The following NSMAF variants were observed in gnomAD, a reference collection of about 807,000 sequenced individuals.
The protein encoded by NSMAF is protein FAN.
NSMAF carries 90 observed loss-of-function variants against 134.9 expected under a neutral mutation model. The observed-to-expected ratio is 0.67, with a 90% CI of 0.56 to 0.79. The LOEUF is 0.79. NSMAF is among the 30% of genes least tolerant of loss of function. The pLI, the probability that NSMAF is intolerant of heterozygous loss-of-function variation, is 0.00. For synonymous variants in NSMAF, 358 were observed against 389.6 expected, an observed-to-expected ratio of 0.92 and a Z score of 0.96; for missense variants, 1,010 against 1,119.0, an observed-to-expected ratio of 0.90 and a Z score of 1.39.
In NSMAF at chr8:58,583,848, A is replaced by G. The variant is rs1026155463; in HGVS notation, c.*258T>C. 1.3e-5 allele frequency: 6 copies of G among 451,922 alleles called. No homozygotes were observed. The highest frequency in any genetic ancestry group is 2.4e-5 in the Non-Finnish European group (6 of 249,598). 28.0% of individuals were successfully genotyped at this position (451,922 alleles called of 1,614,324 possible). A position where few individuals can be genotyped will look rare whatever the true frequency, so the allele number is the denominator to read the frequency against. ...TGCTACTTAGTCCTGTCTTCTGACA[A>G]TCATCATACGGGGACGATCATCTGC... On this transcript the variant is annotated 3_prime_UTR_variant, in exon 31 of 31. Transcript: ENST00000038176.
At chr8:58,600,890 C>T (rs548459090) in intron 16 of NSMAF, among the ~76,000 whole-genome samples, 1 of 152,074 alleles carries the variant, frequency 6.6e-6, no homozygotes, top group African/African-American at 2.4e-5. Context: ...ATTCAATTCA[C>T]AGCAAAATTA....
At chr8:58,597,979 G>T in intron 19 of NSMAF, 77 bp from the exon 20 acceptor site, 1 of 1,058,284 alleles carries the variant, frequency 9.4e-7, no homozygotes, top group Non-Finnish European at 1.4e-6. Context: ...CCTAAACAAT[G>T]CAACAACTTA....
At position 58,601,544 on chromosome 8, in the gene NSMAF, C is replaced by CAT; in HGVS notation, c.1126-10_1126-9insAT. 4 of 911,210 alleles carry CAT rather than the reference C, an allele frequency of 4.4e-6. No individual in the cohort carries two copies. Among genetic ancestry groups the CAT allele is most frequent in the East Asian group, 3.7e-5 (1 of 27,152 alleles). The allele number at this position is 911,210 out of a possible 1,614,324, so 56.4% of individuals were successfully genotyped here. A position where few individuals can be genotyped will look rare whatever the true frequency, so the allele number is the denominator to read the frequency against. Reference sequence around the variant, plus strand: ...ATTTCCTGGTAGCGTGTCTAGAATACAGAAAAAAAAAAAAAATAGAGCTAA... The same window carrying CAT: ...ATTTCCTGGTAGCGTGTCTAGAATACATAGAAAAAAAAAAAAAATAGAGCTAA... On this transcript the variant is annotated splice_polypyrimidine_tract_variant and intron_variant, in intron 14 of 30. Coordinates refer to ENST00000038176, the MANE Select transcript of NSMAF (RefSeq NM_003580.4).
chr8:58,586,259 G>A (rs1174009224), intron 28 of NSMAF, 199 bp downstream of exon 28: 3 of 625,514 alleles, frequency 4.8e-6, no homozygotes, highest in East Asian at 2.7e-5. Context: ...TACCCAGTCC[G>A]GCTTTTCTAC....
At chr8:58,594,087 G>T in intron 23 of NSMAF, 145 bp downstream of exon 23, 1 of 649,286 alleles carries the variant, frequency 1.5e-6, no homozygotes, top group Non-Finnish European at 2.7e-6. Flanking sequence ...GAAACTCTAT[G>T]TAATGTACCA....
rs73250346 is a variant in NSMAF, at chr8:58,625,755, G to T, written c.385-1975C>A. Among the ~76,000 whole-genome samples the T allele has an allele frequency of 8.8e-3, 1,342 of 152,184 alleles. 22 individuals carry two copies. The highest frequency in any genetic ancestry group is 0.031 in the African/African-American group (1,288 of 41,526). ...TCCATTCAGGCACTCCATATTTTTT[G>T]ATTGGGGAGTTTGATATACTTAATT... On this transcript the variant is annotated intron_variant, in intron 6 of 30. Transcript: ENST00000038176.
chr8:58,592,907 AC>A (rs1280337210), intron 23 of NSMAF, among the ~76,000 whole-genome samples: 1,778 of 119,556 alleles, frequency 0.015, 35 homozygotes, highest in African/African-American at 0.068. Flanking sequence ...AAAAACAAAA[AC>A]AACAACAACA....
intron 7 of NSMAF, 98 bp downstream of exon 7, chr8:58,623,611 A>G (rs1253451541): frequency 4.3e-6 from 5 of 1,155,506 alleles, no homozygotes; most frequent in Non-Finnish European, 6.3e-6. Flanking sequence ...CATATTTAGA[A>G]AACAGATGAT....
chr8:58,638,831 A>C (rs1429092710), intron 2 of NSMAF, among the ~76,000 whole-genome samples: 1 of 152,210 alleles, frequency 6.6e-6, no homozygotes, highest in Non-Finnish European at 1.5e-5. Flanking sequence ...AAGTCAAAAG[A>C]CAACCTACGG....
intron 6 of NSMAF, among the ~76,000 whole-genome samples, chr8:58,628,172 T>C (rs970175067): frequency 4.1e-4 from 63 of 152,328 alleles, no homozygotes; most frequent in Non-Finnish European, 2.9e-5. Context: ...CTAGGAAAAC[T>C]GGCAAGCCAC....
intron 25 of NSMAF, 104 bp from the exon 26 acceptor site, chr8:58,589,679 G>A (rs1805979900): frequency 9.0e-7 from 1 of 1,106,842 alleles, no homozygotes; most frequent in Non-Finnish European, 1.2e-6. Context: ...TACTTACTAA[G>A]GCTCACTAGA....
At chr8:58,632,028 C>T (rs1807066678) in intron 5 of NSMAF, among the ~76,000 whole-genome samples, 2 of 152,100 alleles carry the variant, frequency 1.3e-5, no homozygotes. Flanking sequence ...ATAAGTGACA[C>T]CATCTACCAG....
intron 7 of NSMAF, 84 bp from the exon 8 acceptor site, chr8:58,623,508 T>C: frequency 7.3e-7 from 1 of 1,378,546 alleles, no homozygotes; most frequent in Non-Finnish European, 1.0e-6. Context: ...GAAACAGCAA[T>C]CATTCTGTTA....
At chr8:58,631,785 T>C (rs1484024214) in intron 5 of NSMAF, among the ~76,000 whole-genome samples, 1 of 151,976 alleles carries the variant, frequency 6.6e-6, no homozygotes, top group Non-Finnish European at 1.5e-5. Flanking sequence ...AATTACAAGA[T>C]AAATAAATAC....
At chr8:58,607,627 G>A in intron 11 of NSMAF, 142 bp downstream of exon 11, 1 of 661,254 alleles carries the variant, frequency 1.5e-6, no homozygotes, top group Non-Finnish European at 2.7e-6. Context: ...CCAAAAGAAA[G>A]AACAGCAAAA....
At chr8:58,659,531 G>C (rs757488143) in intron 1 of NSMAF, 42 bp downstream of exon 1, 14 of 1,521,900 alleles carry the variant, frequency 9.2e-6, no homozygotes, top group African/African-American at 1.4e-5. Context: ...GACCGGCCCC[G>C]ACTAGGCCCC....
chr8:58,600,080 T>A, intron 16 of NSMAF, 59 bp from the exon 17 acceptor site: 2 of 1,261,808 alleles, frequency 1.6e-6, no homozygotes, highest in Non-Finnish European at 2.3e-6. Flanking sequence ...TAGCAGCATT[T>A]CCTATGCACT....
intron 23 of NSMAF, among the ~76,000 whole-genome samples, chr8:58,592,902 CAAAAACAACAACAACAA>C (rs1806049629): frequency 8.7e-6 from 1 of 114,386 alleles, no homozygotes; most frequent in African/African-American, 4.8e-5. Flanking sequence ...AAAACAAAAA[CAAAAACAACAACAACAA>C]AAAAAAAACC....
chr8:58,647,292 G>C (rs1203613686), intron 1 of NSMAF, among the ~76,000 whole-genome samples: 1 of 152,238 alleles, frequency 6.6e-6, no homozygotes, highest in Non-Finnish European at 1.5e-5. Flanking sequence ...GCCCCTACTA[G>C]AGAGTTGATT....
Sources: gnomAD v4.1 joint callset for allele counts (sites outside exome capture counted in the v4.1 genomes callset) on GRCh38, gnomAD v4.1.1 for gene constraint, MANE v1.5 for transcripts, NCBI Gene and HGNC (gene_info 2026-07-23, HGNC 2026-07-21) for gene names.